SORCS1: variants seen among roughly 807,000 people sequenced by gnomAD.
SORCS1 encodes the protein sortilin related VPS10 domain containing receptor 1.
In SORCS1, 60 loss-of-function variants were observed where a neutral mutation model predicts 146.1. The ratio of observed to expected loss-of-function variants is 0.41; its 90% CI spans 0.33 to 0.51. SORCS1 has a LOEUF of 0.51. Ranked by LOEUF, SORCS1 falls within the 20% of genes least tolerant of loss-of-function variation. The pLI is 0.21. For synonymous variants in SORCS1, 637 were observed against 584.0 expected (o/e 1.09, Z -1.31); for missense variants, 1,352 against 1,487.6 (o/e 0.91, Z 1.50).
chr10:107,105,266 G>T (rs1483493772), intron 1 of SORCS1, among the ~76,000 whole-genome samples: 3 of 152,168 alleles, frequency 2.0e-5, no homozygotes, highest in African/African-American at 7.2e-5. Context: ...GTTAAGATAT[G>T]AAAGGCAAGT....
intron 2 of SORCS1, among the ~76,000 whole-genome samples, chr10:106,903,217 T>C (rs1172703212): frequency 1.3e-5 from 2 of 152,218 alleles, no homozygotes; most frequent in Non-Finnish European, 2.9e-5. Context: ...ACATCCACCA[T>C]TGGAGAGTCT....
intron 2 of SORCS1, among the ~76,000 whole-genome samples, chr10:106,878,635 TATATATATATA>T (rs1478531643): frequency 2.2e-5 from 3 of 136,098 alleles, no homozygotes; most frequent in Non-Finnish European, 4.8e-5. Context: ...TATATATATA[TATATATATATA>T]TATTTTATAG....
At chr10:106,794,501 C>CTTTTTTTT (rs35647552) in intron 3 of SORCS1, among the ~76,000 whole-genome samples, 4 of 126,068 alleles carry the variant, frequency 3.2e-5, no homozygotes, top group South Asian at 2.6e-4. Flanking sequence ...TTTTCTTTTT[C>CTTTTTTTT]TTTTTTTTTT....
chr10:106,962,699 T>C (rs1955295887), intron 1 of SORCS1, among the ~76,000 whole-genome samples: 1 of 152,180 alleles, frequency 6.6e-6, no homozygotes, highest in Non-Finnish European at 1.5e-5. Context: ...GATTCAGGGA[T>C]GGCATGGGCT....
At chr10:107,176,278 T>C in the SORCS1 span, among the ~76,000 whole-genome samples, 15 of 151,324 alleles carry the variant, frequency 9.9e-5, no homozygotes, top group African/African-American at 3.6e-4. Context: ...CTTTCTTTCT[T>C]CCTTCTTTTC....
chr10:106,607,412 A>G, intron 22 of SORCS1, 115 bp from the exon 23 acceptor site: 4 of 1,382,568 alleles, frequency 2.9e-6, no homozygotes, highest in Non-Finnish European at 3.9e-6. Context: ...GGGGCCTGAA[A>G]GCAGAGGCCT....
intron 3 of SORCS1, among the ~76,000 whole-genome samples, chr10:106,794,346 C>T (rs1267370616): frequency 6.6e-6 from 1 of 152,112 alleles, no homozygotes; most frequent in Non-Finnish European, 1.5e-5. Flanking sequence ...GGGAAAAAAG[C>T]ATACATTCTT....
upstream of SORCS1, among the ~76,000 whole-genome samples, chr10:107,166,747 T>C (rs1970061113): frequency 6.6e-6 from 1 of 152,174 alleles, no homozygotes. Flanking sequence ...TCTGGATAAG[T>C]ACATGGGAAT....
At position 106,575,488 on chromosome 10, in the gene SORCS1, T is replaced by C. The variant is rs958327791; in HGVS notation, c.*1932A>G. 4 of 152,216 alleles carry C rather than the reference T, an allele frequency of 2.6e-5. No homozygotes were observed. The highest frequency in any genetic ancestry group is 1.9e-4 in the East Asian group (1 of 5,196). The allele number at this position is 152,216 out of a possible 1,614,324, so 9.4% of individuals were successfully genotyped here. On this transcript the variant is annotated 3_prime_UTR_variant, in exon 26 of 26. Transcript: ENST00000263054. ...GGTTTATCAGAACTTCTTTCTCCTATAGTTTATAGTGGGCTTTGCCCAGTC... is the reference window on the plus strand; with the variant it reads ...GGTTTATCAGAACTTCTTTCTCCTACAGTTTATAGTGGGCTTTGCCCAGTC...
chr10:106,841,989 A>G (rs758821137), intron 2 of SORCS1, among the ~76,000 whole-genome samples: 38 of 152,308 alleles, frequency 2.5e-4, no homozygotes, highest in Non-Finnish European at 5.3e-4. Context: ...TTGTTTTGTA[A>G]GAAATTGCCA....
At chr10:107,096,551 C>T (rs1012560617) in intron 1 of SORCS1, among the ~76,000 whole-genome samples, 1 of 152,076 alleles carries the variant, frequency 6.6e-6, no homozygotes, top group African/African-American at 2.4e-5. Flanking sequence ...CTCCTTCTGT[C>T]GCCAGGCTGG....
At chr10:107,003,267 A>G (rs1045346073) in intron 1 of SORCS1, among the ~76,000 whole-genome samples, 1 of 152,170 alleles carries the variant, frequency 6.6e-6, no homozygotes, top group Non-Finnish European at 1.5e-5. Context: ...AAAGGAAAAA[A>G]AAAAGTTGTT....
chr10:107,111,026 G>A (rs897761714), intron 1 of SORCS1, among the ~76,000 whole-genome samples: 1 of 152,148 alleles, frequency 6.6e-6, no homozygotes, highest in Non-Finnish European at 1.5e-5. Flanking sequence ...CCACAAGACT[G>A]CAATCCTATA....
chr10:107,019,572 T>C (rs1351774473), intron 1 of SORCS1, among the ~76,000 whole-genome samples: 1 of 152,234 alleles, frequency 6.6e-6, no homozygotes, highest in East Asian at 1.9e-4. Flanking sequence ...CACTCTGCCA[T>C]TTCTTTCCTG....
chr10:106,654,425 A>G (rs1850122508), intron 17 of SORCS1, among the ~76,000 whole-genome samples: 1 of 152,196 alleles, frequency 6.6e-6, no homozygotes, highest in Non-Finnish European at 1.5e-5. Flanking sequence ...TAAATGGAGT[A>G]AGATTATCCC....
At chr10:106,805,784 C>T (rs974832449) in intron 3 of SORCS1, among the ~76,000 whole-genome samples, 8 of 152,030 alleles carry the variant, frequency 5.3e-5, no homozygotes, top group African/African-American at 1.2e-4. Context: ...ATCAGCCGGG[C>T]GTGGTGGCTC....
chr10:107,129,401 G>T (rs1966846672), intron 1 of SORCS1, among the ~76,000 whole-genome samples: 1 of 152,184 alleles, frequency 6.6e-6, no homozygotes, highest in African/African-American at 2.4e-5. Flanking sequence ...GAAATACAAT[G>T]ATTGGGCTCA....
chr10:106,959,048 C>A (rs1306058155), intron 1 of SORCS1, among the ~76,000 whole-genome samples: 3 of 152,172 alleles, frequency 2.0e-5, no homozygotes, highest in African/African-American at 7.2e-5. Context: ...GTCTCCCATT[C>A]TTGTGATGAG....
chr10:107,062,683 T>C (rs74720367), intron 1 of SORCS1, among the ~76,000 whole-genome samples: 5,122 of 152,206 alleles, frequency 0.034, 269 homozygotes, highest in African/African-American at 0.11. Flanking sequence ...AACTGCTCTA[T>C]TGTGATCCGA....
Sources: gnomAD v4.1 joint callset for allele counts (sites outside exome capture counted in the v4.1 genomes callset) on GRCh38, gnomAD v4.1.1 for gene constraint, MANE v1.5 for transcripts, NCBI Gene and HGNC (gene_info 2026-07-23, HGNC 2026-07-21) for gene names.